Variants in FAM13A observed in about 807,000 individuals in gnomAD.
FAM13A encodes protein FAM13A.
A neutral mutation model predicts 129.6 loss-of-function variants in FAM13A; 76 were observed. The observed-to-expected ratio is 0.59, with a 90% CI of 0.49 to 0.71. FAM13A has a LOEUF of 0.71. Among genes scored for constraint, FAM13A ranks in the 30% least tolerant of loss-of-function variants. The pLI is 0.00. For missense variants in FAM13A, 1,108 were observed against 1,249.3 expected (o/e 0.89, Z 1.70); for synonymous variants, 443 against 449.9 (o/e 0.98, Z 0.20).
chr4:89,039,188 G>A (rs1345602278), intron 1 of FAM13A, among the ~76,000 whole-genome samples: 1 of 152,128 alleles, frequency 6.6e-6, no homozygotes, highest in Admixed American at 6.6e-5. Flanking sequence ...AAATCCAGAA[G>A]GAGAGACATT....
intron 6 of FAM13A, among the ~76,000 whole-genome samples, chr4:88,859,642 C>T (rs1739152613): frequency 6.6e-6 from 1 of 152,156 alleles, no homozygotes; most frequent in Admixed American, 6.6e-5. Flanking sequence ...GGGGAAGGAG[C>T]AGGACTGCCA....
At position 88,781,969 on chromosome 4, in the gene FAM13A, A is replaced by T. The variant is rs4084600; in HGVS notation, c.1272-618T>A. Among the ~76,000 whole-genome samples the T allele has an allele frequency of 2.3e-3, 348 of 150,746 alleles. 1 individual carries two copies. Among genetic ancestry groups the T allele is most frequent in the African/African-American group, 7.7e-3 (319 of 41,234 alleles). ...ACAAACCTGCACATTGTGCACATGT[A>T]CCCTAAAACTTAAAGTATAATGATA... On this transcript the variant is annotated intron_variant, in intron 10 of 23. Coordinates refer to ENST00000264344, the MANE Select transcript of FAM13A (RefSeq NM_014883.4).
At chr4:88,973,386 G>T (rs1760414224) in intron 4 of FAM13A, among the ~76,000 whole-genome samples, 1 of 151,916 alleles carries the variant, frequency 6.6e-6, no homozygotes, top group Non-Finnish European at 1.5e-5. Flanking sequence ...GGTTTCTATT[G>T]AAATGCCCTC....
chr4:89,050,353 C>A (rs1771416696), intron 1 of FAM13A, among the ~76,000 whole-genome samples: 2 of 151,954 alleles, frequency 1.3e-5, no homozygotes, highest in African/African-American at 2.4e-5. Context: ...CAGGTGTGTG[C>A]CACCACTCCC....
At chr4:88,844,767 C>T (rs956338921) in intron 7 of FAM13A, among the ~76,000 whole-genome samples, 4 of 152,064 alleles carry the variant, frequency 2.6e-5, no homozygotes, top group Non-Finnish European at 4.4e-5. Context: ...GTTTAAACTC[C>T]GTGTCTACAG....
At chr4:89,054,907 C>T (rs1190338695) in intron 1 of FAM13A, among the ~76,000 whole-genome samples, 1 of 152,122 alleles carries the variant, frequency 6.6e-6, no homozygotes. Context: ...CATTCATTCA[C>T]TTTAAAAATT....
Position 88,727,400 on chromosome 4 carries a change from A to C in FAM13A, c.*1133T>G, listed in dbSNP as rs1452132553. 2.6e-5 allele frequency: 4 copies of C among 152,670 alleles called. No homozygotes were observed. In the South Asian group the frequency reaches 6.2e-4, roughly 24 times the overall value. The allele number at this position is 152,670 out of a possible 1,614,324, so 9.5% of individuals were successfully genotyped here. ...GTTTTGTGACAAAGTCTTTGAAAAA[A>C]ATTATAATTGGCCACACAGCATGAC... On this transcript the variant is annotated 3_prime_UTR_variant, in exon 24 of 24. Coordinates refer to ENST00000264344, the MANE Select transcript of FAM13A (RefSeq NM_014883.4).
At chr4:88,993,633 A>C (rs1222845605) in intron 3 of FAM13A, among the ~76,000 whole-genome samples, 1 of 152,244 alleles carries the variant, frequency 6.6e-6, no homozygotes, top group Non-Finnish European at 1.5e-5. Flanking sequence ...TTTTTCCAGG[A>C]AATAAAACAG....
At chr4:88,876,898 C>T (rs907342064) in intron 6 of FAM13A, among the ~76,000 whole-genome samples, 10 of 152,134 alleles carry the variant, frequency 6.6e-5, no homozygotes, top group African/African-American at 2.2e-4. Context: ...GACCGCGTCA[C>T]TTCTTTATTA....
intron 5 of FAM13A, among the ~76,000 whole-genome samples, chr4:88,912,523 G>GAGCCAA (rs1749230659): frequency 6.6e-6 from 1 of 151,492 alleles, no homozygotes; most frequent in East Asian, 1.9e-4. Context: ...AAAATCATGT[G>GAGCCAA]AGCCAAACCC....
Position 88,990,997 on chromosome 4 carries a change from G to T in FAM13A, c.581C>A (p.Thr194Asn), listed in dbSNP as rs1227980720. ...CTGAAAGCAATTTGGCCCAAATACAGTGGCGAGATTGTGAACATTCATGCG... is the reference window on the plus strand; with the variant it reads ...CTGAAAGCAATTTGGCCCAAATACATTGGCGAGATTGTGAACATTCATGCG... ...QNRMNVHNLA[T>N]VFGPNCFHVP... The change falls in exon 4 of 24, where the codon ACT becomes AAT. Residue 194 changes from threonine (T) to asparagine (N), a missense_variant. By Grantham distance (65) the Thr-to-Asn change is moderately conservative (BLOSUM62 0). Coordinates refer to ENST00000264344, the MANE Select transcript of FAM13A (RefSeq NM_014883.4). The T allele has an allele frequency of 6.2e-7, 1 of 1,614,060 alleles. No individual in the cohort carries two copies. Among genetic ancestry groups the T allele is most frequent in the Non-Finnish European group, 8.5e-7 (1 of 1,179,962 alleles).
In FAM13A at chr4:88,729,081, C is replaced by T. The variant is rs2602119; in HGVS notation, c.2946-422G>A. 0.46 allele frequency: 53,485 copies of T among 117,436 alleles called. 10,748 individuals are homozygous for T. Among genetic ancestry groups the T allele is most frequent in the African/African-American group, 0.65 (20,401 of 31,604 alleles). 7.3% of individuals were successfully genotyped at this position (117,436 alleles called of 1,614,324 possible). A position where few individuals can be genotyped will look rare whatever the true frequency, so the allele number is the denominator to read the frequency against. ...TTAGTTTTTTTTTTTTTTTTTTTTT[C>T]CAAAAACAGATAGTTAATACTCCTA... is the stretch of plus-strand genomic sequence containing the variant. On this transcript the variant is annotated intron_variant, in intron 23 of 23. Coordinates refer to ENST00000264344, the MANE Select transcript of FAM13A (RefSeq NM_014883.4).
At chr4:89,028,350 T>C (rs1275795647) in intron 2 of FAM13A, among the ~76,000 whole-genome samples, 2 of 151,994 alleles carry the variant, frequency 1.3e-5, no homozygotes, top group African/African-American at 2.4e-5. Flanking sequence ...GGGGGATTAC[T>C]GTACAGAATA....
At chr4:88,846,144 A>T (rs1736608072) in intron 7 of FAM13A, among the ~76,000 whole-genome samples, 1 of 152,194 alleles carries the variant, frequency 6.6e-6, no homozygotes. Context: ...TAGTACCTTG[A>T]AAGAAGGCCA....
chr4:89,008,038 T>G (rs1214825789), intron 3 of FAM13A, among the ~76,000 whole-genome samples: 1 of 148,346 alleles, frequency 6.7e-6, no homozygotes, highest in Non-Finnish European at 1.5e-5. Flanking sequence ...TTTCCTTACT[T>G]CTAAATTCAC....
chr4:89,055,195 C>T (rs1299150874), intron 1 of FAM13A, among the ~76,000 whole-genome samples: 2 of 152,166 alleles, frequency 1.3e-5, no homozygotes, highest in Non-Finnish European at 2.9e-5. Flanking sequence ...TAATGTGTGA[C>T]TTAGTTCTCC....
At chr4:89,014,574 A>G (rs576466472) in intron 3 of FAM13A, among the ~76,000 whole-genome samples, 97 of 152,300 alleles carry the variant, frequency 6.4e-4, no homozygotes, top group African/African-American at 2.2e-3. Context: ...ATAAATTGTG[A>G]AGATTTCATG....
At chr4:88,971,084 T>G (rs1222516317) in intron 4 of FAM13A, among the ~76,000 whole-genome samples, 1 of 152,040 alleles carries the variant, frequency 6.6e-6, no homozygotes, top group Non-Finnish European at 1.5e-5. Flanking sequence ...GGCGGGCGCC[T>G]GTAGGCAGGA....
At chr4:88,880,080 A>G (rs1579090577) in intron 6 of FAM13A, among the ~76,000 whole-genome samples, 1 of 152,188 alleles carries the variant, frequency 6.6e-6, no homozygotes, top group East Asian at 1.9e-4. Context: ...CTGAAAATAT[A>G]AAATCCAAGG....
Sources: allele counts gnomAD v4.1 joint callset (sites outside exome capture counted in the v4.1 genomes callset), GRCh38; gene constraint gnomAD v4.1.1; transcripts MANE v1.5; gene names NCBI Gene and HGNC (gene_info 2026-07-23, HGNC 2026-07-21).